Variants in COL4A6 observed in about 807,000 individuals in gnomAD.
COL4A6 encodes the protein collagen alpha-6(IV) chain.
COL4A6 carries 59 observed loss-of-function variants against 126.7 expected under a neutral mutation model. That is an observed-to-expected ratio of 0.47 (90% CI 0.38 to 0.58). The LOEUF (loss-of-function observed/expected upper bound fraction) is 0.58, where lower values mean the gene tolerates loss of function less well. Among genes scored for constraint, COL4A6 ranks in the 20% least tolerant of loss-of-function variants. The probability of loss-of-function intolerance (pLI) is 0.00; values close to 1 mark genes in which losing one functional copy is unlikely to be tolerated. For synonymous variants in COL4A6, 547 were observed against 496.6 expected, an observed-to-expected ratio of 1.10 and a Z score of -1.35; for missense variants, 1,285 against 1,337.3, an observed-to-expected ratio of 0.96 and a Z score of 0.61.
At chrX:108,408,416 A>AT (rs936867612) in intron 2 of COL4A6, among the ~76,000 whole-genome samples, 1 of 111,380 alleles carries the variant, frequency 9.0e-6, no homozygotes, top group African/African-American at 3.3e-5. Context: ...AGTCCACACA[A>AT]TTTTTTTTCT....
intron 3 of COL4A6, among the ~76,000 whole-genome samples, chrX:108,309,356 C>T (rs966804530): frequency 6.3e-5 from 7 of 110,805 alleles, no homozygotes; most frequent in African/African-American, 2.3e-4. Context: ...AGATAAAGGC[C>T]TGGAATCTGT....
intron 5 of COL4A6, among the ~76,000 whole-genome samples, chrX:108,214,933 G>T (rs897936460): frequency 1.4e-4 from 16 of 111,920 alleles, no homozygotes; most frequent in African/African-American, 5.2e-4. Context: ...CCAGAGTTGG[G>T]CTTCCTTGGT....
chrX:108,201,225 A>C (rs1220359777), intron 13 of COL4A6, among the ~76,000 whole-genome samples: 1 of 111,810 alleles, frequency 8.9e-6, no homozygotes, highest in Non-Finnish European at 1.9e-5. Context: ...GGAGTCATCT[A>C]TCCCCACTGG....
At position 108,438,307 on chromosome X, in the gene COL4A6, G is replaced by A; in HGVS notation, c.-111C>T. 9.1e-7 allele frequency: 1 copy of A among 1,102,725 alleles called. No individual in the cohort carries two copies. The highest frequency in any genetic ancestry group is 3.2e-5 in the East Asian group (1 of 31,289). 90.9% of individuals were successfully genotyped at this position (1,102,725 alleles called of 1,213,427 possible). A position where few individuals can be genotyped will look rare whatever the true frequency, so the allele number is the denominator to read the frequency against. Reference sequence around the variant, plus strand: ...AGGCTGTTTCCTTACTCAGAACAGAGTAGGTGGACGAAGTGGCCCAGTTTG... The same window carrying A: ...AGGCTGTTTCCTTACTCAGAACAGAATAGGTGGACGAAGTGGCCCAGTTTG... On this transcript the variant is annotated 5_prime_UTR_variant, in exon 1 of 45. Coordinates refer to ENST00000334504, the MANE Select transcript of COL4A6 (RefSeq NM_033641.4).
At chrX:108,395,750 C>T (rs1042431906) in intron 2 of COL4A6, among the ~76,000 whole-genome samples, 3 of 111,619 alleles carry the variant, frequency 2.7e-5, no homozygotes, top group Non-Finnish European at 5.6e-5. Context: ...AACTTCTGTC[C>T]CAAGGGTCTC....
intron 44 of COL4A6, 25 bp from the exon 45 acceptor site, chrX:108,157,285 A>T: frequency 8.4e-7 from 1 of 1,196,920 alleles, no homozygotes; most frequent in African/African-American, 1.7e-5. Context: ...AGATTAGTGC[A>T]TGAGCTGTGC....
intron 3 of COL4A6, among the ~76,000 whole-genome samples, chrX:108,286,078 G>T (rs1432417525): frequency 9.0e-6 from 1 of 111,731 alleles, no homozygotes; most frequent in African/African-American, 3.3e-5. Context: ...GTATAAATAG[G>T]CTGGGTGACC....
chrX:108,331,349 T>C (rs944745827), intron 2 of COL4A6, among the ~76,000 whole-genome samples: 1 of 112,053 alleles, frequency 8.9e-6, no homozygotes, highest in Non-Finnish European at 1.9e-5. Context: ...CATCATAGCA[T>C]ACTTACACAA....
intron 2 of COL4A6, among the ~76,000 whole-genome samples, chrX:108,364,683 ACTT>A (rs750075380): frequency 3.9e-4 from 44 of 111,592 alleles, no homozygotes; most frequent in Non-Finnish European, 7.3e-4. Context: ...GTGGTACTTG[ACTT>A]CCTGAGTTGT....
chrX:108,307,110 GA>G (rs35142590), intron 3 of COL4A6, among the ~76,000 whole-genome samples: 39,463 of 108,255 alleles, frequency 0.36, 6,738 homozygotes, highest in East Asian at 0.73. Flanking sequence ...AGTGGCAGGG[GA>G]AAAAAAATAC....
At chrX:108,354,484 C>T (rs750119448) in intron 2 of COL4A6, among the ~76,000 whole-genome samples, 1 of 111,165 alleles carries the variant, frequency 9.0e-6, no homozygotes, top group East Asian at 2.8e-4. Flanking sequence ...GAATTTTGAA[C>T]CCTGTGACTT....
At chrX:108,194,300 C>T (rs954771406) in intron 16 of COL4A6, among the ~76,000 whole-genome samples, 1 of 112,003 alleles carries the variant, frequency 8.9e-6, no homozygotes, top group Admixed American at 9.5e-5. Context: ...TCCTCATCTT[C>T]GGGATGAACT....
chrX:108,343,008 G>T (rs2039603916), intron 2 of COL4A6, among the ~76,000 whole-genome samples: 1 of 107,732 alleles, frequency 9.3e-6, no homozygotes, highest in African/African-American at 3.4e-5. Flanking sequence ...ATATAGAAAG[G>T]TACTAAGCAG....
At position 108,197,291 on chromosome X, in the gene COL4A6, C is replaced by A. The variant is rs1400511781; in HGVS notation, c.835-712G>T. On this transcript the variant is annotated intron_variant, in intron 13 of 44. Coordinates refer to ENST00000334504, the MANE Select transcript of COL4A6 (RefSeq NM_033641.4). ...GCCATGAATATGACTTGGGGATTCT[C>A]TAGGGAAAAGCAGGAACTCCAAGAA... Among the ~76,000 whole-genome samples, 3 of 111,259 alleles carry A rather than the reference C, an allele frequency of 2.7e-5. No individual in the cohort carries two copies. In the Admixed American group the frequency reaches 2.9e-4, roughly 11 times the overall value.
chrX:108,420,134 A>G, intron 2 of COL4A6, among the ~76,000 whole-genome samples: 1 of 111,594 alleles, frequency 9.0e-6, no homozygotes, highest in East Asian at 2.8e-4. Flanking sequence ...TCAGCTCTCC[A>G]CCTTCAGGGC....
At chrX:108,261,796 A>G (rs1473397172) in intron 3 of COL4A6, among the ~76,000 whole-genome samples, 1 of 111,812 alleles carries the variant, frequency 8.9e-6, no homozygotes, top group African/African-American at 3.2e-5. Flanking sequence ...CATCTGATCT[A>G]TAAATATTTA....
Position 108,162,882 on chromosome X carries a change from C to T in COL4A6, c.4216+10G>A. 8.8e-7 allele frequency: 1 copy of T among 1,137,880 alleles called. No individual in the cohort carries two copies. 93.8% of individuals were successfully genotyped at this position (1,137,880 alleles called of 1,213,427 possible). ...CCCAACAAATCTCCTTTTTCTGGCA[C>T]CCTCCTCACCTTGTAGGCCTACAGG... On this transcript the variant is annotated intron_variant, in intron 41 of 44. Transcript: ENST00000334504.
intron 3 of COL4A6, among the ~76,000 whole-genome samples, chrX:108,281,307 C>A (rs749092278): frequency 1.5e-3 from 130 of 87,565 alleles, no homozygotes; most frequent in African/African-American, 5.3e-3. Flanking sequence ...TCTCAGGATA[C>A]AAAATCAATG....
chrX:108,382,695 C>G (rs2040583938), intron 2 of COL4A6, among the ~76,000 whole-genome samples: 1 of 110,061 alleles, frequency 9.1e-6, no homozygotes, highest in Admixed American at 9.8e-5. Flanking sequence ...GCTTGTAAAC[C>G]CAGCACTTTG....
Sources: gnomAD v4.1 joint callset for allele counts (sites outside exome capture counted in the v4.1 genomes callset) on GRCh38, gnomAD v4.1.1 for gene constraint, MANE v1.5 for transcripts, NCBI Gene and HGNC (gene_info 2026-07-23, HGNC 2026-07-21) for gene names.